Variants in SAP30BP observed in about 807,000 individuals in gnomAD.
SAP30BP encodes the protein SAP30-binding protein.
In SAP30BP, 31 loss-of-function variants were observed where a neutral mutation model predicts 46.3. The observed-to-expected ratio is 0.67, with a 90% CI of 0.50 to 0.90. The LOEUF is 0.90. Among genes scored for constraint, SAP30BP ranks in the 40% least tolerant of loss-of-function variants. The probability of loss-of-function intolerance (pLI) is 0.00; values close to 1 mark genes in which losing one functional copy is unlikely to be tolerated. For synonymous variants in SAP30BP, 169 were observed against 144.2 expected, an observed-to-expected ratio of 1.17 and a Z score of -1.23; for missense variants, 312 against 391.0, an observed-to-expected ratio of 0.80 and a Z score of 1.70.
At chr17:75,705,651 G>T in intron 9 of SAP30BP, 1 of 1,091,654 alleles carries the variant, frequency 9.2e-7, no homozygotes, top group Middle Eastern at 4.4e-4. Flanking sequence ...GGGGACCGGA[G>T]CTGTCCTTCC....
intron 3 of SAP30BP, among the ~76,000 whole-genome samples, chr17:75,677,668 A>AT (rs2060012975): frequency 6.8e-6 from 1 of 146,436 alleles, no homozygotes; most frequent in Admixed American, 6.8e-5. Context: ...CAGGTCTCAA[A>AT]TTCCTGACCT....
At chr17:75,688,624 G>A (rs1445856335) in intron 3 of SAP30BP, among the ~76,000 whole-genome samples, 1 of 152,104 alleles carries the variant, frequency 6.6e-6, no homozygotes, top group Non-Finnish European at 1.5e-5. Flanking sequence ...AAGGATTGAG[G>A]AAGCATTGTT....
chr17:75,672,406 A>T (rs1354985455), intron 3 of SAP30BP, among the ~76,000 whole-genome samples: 4 of 152,262 alleles, frequency 2.6e-5, no homozygotes, highest in African/African-American at 9.6e-5. Flanking sequence ...GAACAACATA[A>T]CTATTCTCAT....
At position 75,683,024 on chromosome 17, in the gene SAP30BP, G is replaced by A. The variant is rs2060105618; in HGVS notation, c.265-10416G>A. Among the ~76,000 whole-genome samples, 3 of 144,918 alleles carry A rather than the reference G, an allele frequency of 2.1e-5. No homozygotes were observed. The South Asian group carries it at 6.6e-4, about 32-fold the overall frequency. ...TTATATCTCAATAAAGCTGCTGTAA[G>A]AAAAATTTATTTTATTTATTTATTT... On this transcript the variant is annotated intron_variant, in intron 3 of 10. Coordinates refer to ENST00000584667, the MANE Select transcript of SAP30BP (RefSeq NM_013260.8).
intron 4 of SAP30BP, among the ~76,000 whole-genome samples, chr17:75,694,769 A>T (rs758252947): frequency 2.0e-5 from 3 of 152,202 alleles, no homozygotes; most frequent in Non-Finnish European, 2.9e-5. Flanking sequence ...CAACGCAGAG[A>T]TGCCCTTGCT....
At chr17:75,699,953 AC>A in intron 5 of SAP30BP, 82 bp downstream of exon 5, 1 of 1,024,756 alleles carries the variant, frequency 9.8e-7, no homozygotes, top group Non-Finnish European at 1.5e-6. Flanking sequence ...ATCTTAAGAG[AC>A]CATGGCAGGG....
chr17:75,683,042 A>ATTTTTTTTTTTTTT (rs1489760588), intron 3 of SAP30BP, among the ~76,000 whole-genome samples: 1 of 42,632 alleles, frequency 2.3e-5, no homozygotes, highest in Non-Finnish European at 1.1e-4. Flanking sequence ...TATTTTATTT[A>ATTTTTTTTTTTTTT]TTTATTTATT....
At chr17:75,667,720 T>C (rs1408972528) in intron 1 of SAP30BP, among the ~76,000 whole-genome samples, 1 of 152,236 alleles carries the variant, frequency 6.6e-6, no homozygotes, top group African/African-American at 2.4e-5. Flanking sequence ...GCTATAGTGA[T>C]AGACAGAGGG....
intron 1 of SAP30BP, 33 bp from the exon 2 acceptor site, chr17:75,668,483 T>G: frequency 7.5e-7 from 1 of 1,340,146 alleles, no homozygotes; most frequent in Non-Finnish European, 1.0e-6. Flanking sequence ...TTTTCTTGCT[T>G]TTTGTTTGTT....
chr17:75,705,984 AT>A (rs2060490950), intron 9 of SAP30BP, 23 bp from the exon 10 acceptor site: 1 of 1,610,926 alleles, frequency 6.2e-7, no homozygotes, highest in South Asian at 1.1e-5. Flanking sequence ...GCCTGGTCTT[AT>A]TCTCTTCCCT....
intron 3 of SAP30BP, among the ~76,000 whole-genome samples, chr17:75,678,620 C>T (rs1305457091): frequency 6.6e-6 from 1 of 152,168 alleles, no homozygotes; most frequent in African/African-American, 2.4e-5. Context: ...CTTCCAGTTC[C>T]ACCTGTGCAC....
chr17:75,697,424 G>T (rs1290357912), intron 4 of SAP30BP, among the ~76,000 whole-genome samples: 1 of 152,172 alleles, frequency 6.6e-6, no homozygotes, highest in Non-Finnish European at 1.5e-5. Flanking sequence ...GAGGAGACTT[G>T]AATTCCAGCC....
chr17:75,693,395 C>G, intron 3 of SAP30BP, 45 bp from the exon 4 acceptor site: 1 of 1,550,046 alleles, frequency 6.5e-7, no homozygotes, highest in Non-Finnish European at 8.9e-7. Context: ...GTAGCTGGTT[C>G]AGGAGCCCCA....
chr17:75,690,839 A>G (rs1032464204), intron 3 of SAP30BP: 5 of 441,618 alleles, frequency 1.1e-5, no homozygotes, highest in African/African-American at 2.0e-5. Flanking sequence ...AAGGGTGCCT[A>G]TGACACCAAT....
chr17:75,682,759 C>T (rs752274946), intron 3 of SAP30BP, among the ~76,000 whole-genome samples: 18 of 150,228 alleles, frequency 1.2e-4, no homozygotes, highest in South Asian at 4.2e-4. Flanking sequence ...GTCAGGATAT[C>T]AAGACCATCC....
intron 3 of SAP30BP, among the ~76,000 whole-genome samples, chr17:75,681,643 A>G (rs1037715923): frequency 6.6e-6 from 1 of 152,212 alleles, no homozygotes; most frequent in Non-Finnish European, 1.5e-5. Flanking sequence ...CAGCAATTGC[A>G]TGCAGGCAGC....
intron 4 of SAP30BP, among the ~76,000 whole-genome samples, chr17:75,693,962 CTA>C (rs1464825972): frequency 6.6e-6 from 1 of 152,190 alleles, no homozygotes; most frequent in African/African-American, 2.4e-5. Flanking sequence ...AGCAGGGACA[CTA>C]TGTTTCTGGA....
chr17:75,691,921 C>T (rs1304963489), intron 3 of SAP30BP: 1 of 180,534 alleles, frequency 5.5e-6, no homozygotes, highest in Non-Finnish European at 1.2e-5. Context: ...GAGAGACTGG[C>T]AGTCTCTATA....
chr17:75,670,962 A>AG (rs1212986368), intron 2 of SAP30BP, among the ~76,000 whole-genome samples: 1 of 152,176 alleles, frequency 6.6e-6, no homozygotes, highest in Non-Finnish European at 1.5e-5. Context: ...TGGGTAGTGG[A>AG]GGTGACATGG....
Sources: allele counts gnomAD v4.1 joint callset (sites outside exome capture counted in the v4.1 genomes callset), GRCh38; gene constraint gnomAD v4.1.1; transcripts MANE v1.5; gene names NCBI Gene and HGNC (gene_info 2026-07-23, HGNC 2026-07-21).